ROR2: variants seen among roughly 807,000 people sequenced by gnomAD.
ROR2 encodes ROR family WNT receptor 2, also known as tyrosine-protein kinase transmembrane receptor ROR2.
In ROR2, 33 loss-of-function variants were observed where a neutral mutation model predicts 74.9. The ratio of observed to expected loss-of-function variants is 0.44; its 90% CI spans 0.33 to 0.59. The LOEUF is 0.59. Ranked by LOEUF, ROR2 falls within the 20% of genes least tolerant of loss-of-function variation. The pLI is 0.02. For synonymous variants in ROR2, 586 were observed against 558.7 expected (o/e 1.05, Z -0.69); for missense variants, 1,216 against 1,313.8 (o/e 0.93, Z 1.15).
intron 1 of ROR2, among the ~76,000 whole-genome samples, chr9:91,884,645 C>T (rs368163062): frequency 6.6e-6 from 1 of 152,072 alleles, no homozygotes; most frequent in Non-Finnish European, 1.5e-5. Flanking sequence ...ATCTGACAAA[C>T]TCATTACTCT....
intron 2 of ROR2, among the ~76,000 whole-genome samples, chr9:91,758,581 G>A (rs935304054): frequency 3.3e-5 from 5 of 152,180 alleles, no homozygotes; most frequent in African/African-American, 7.2e-5. Context: ...AAGCAGTCCC[G>A]CGCACACACA....
At chr9:91,790,083 G>A (rs1159595313) in intron 1 of ROR2, among the ~76,000 whole-genome samples, 4 of 152,136 alleles carry the variant, frequency 2.6e-5, no homozygotes, top group African/African-American at 7.2e-5. Flanking sequence ...ATAAAACAGT[G>A]GTCCCATAAG....
chr9:91,858,439 C>A (rs1461468936), intron 1 of ROR2, among the ~76,000 whole-genome samples: 2 of 152,168 alleles, frequency 1.3e-5, no homozygotes, highest in African/African-American at 4.8e-5. Flanking sequence ...AGGGCACACA[C>A]CCCACAGAGC....
intron 1 of ROR2, among the ~76,000 whole-genome samples, chr9:91,871,040 G>A (rs915439944): frequency 6.6e-6 from 1 of 152,222 alleles, no homozygotes; most frequent in African/African-American, 2.4e-5. Flanking sequence ...GGAAGAGGCA[G>A]AAATGTCCAG....
chr9:91,901,923 G>T (rs1830688035), intron 1 of ROR2, among the ~76,000 whole-genome samples: 1 of 152,088 alleles, frequency 6.6e-6, no homozygotes, highest in Non-Finnish European at 1.5e-5. Context: ...GTGTAGGTGG[G>T]GGGGCCTACC....
chr9:91,918,173 CAGG>C (rs1448399845), intron 1 of ROR2, among the ~76,000 whole-genome samples: 1 of 150,768 alleles, frequency 6.6e-6, no homozygotes, highest in Non-Finnish European at 1.5e-5. Flanking sequence ...GAGGCTGAGG[CAGG>C]AGAATGGTGT....
intron 2 of ROR2, among the ~76,000 whole-genome samples, chr9:91,774,433 C>T (rs1826347993): frequency 6.6e-6 from 1 of 152,188 alleles, no homozygotes; most frequent in African/African-American, 2.4e-5. Context: ...TAAGTTGAAG[C>T]TCTATCCCTC....
chr9:91,905,487 A>G lies in ROR2; in HGVS notation c.97+44380T>C, dbSNP rs940275578. On this transcript the variant is annotated intron_variant, in intron 1 of 8. Transcript: ENST00000375708. This position sits in a 1 kb window ranked among gnomAD's most constrained non-coding sequence, Gnocchi z 5.3. ...ACCACACACAACAAAGACACAACAC[A>G]TACCACATACACGACATACACAGAC... Among the ~76,000 whole-genome samples the G allele has an allele frequency of 6.6e-6, 1 of 152,032 alleles. No homozygotes were observed. Among genetic ancestry groups the G allele is most frequent in the African/African-American group, 2.4e-5 (1 of 41,388 alleles).
At chr9:91,776,765 G>T (rs550204382) in intron 1 of ROR2, among the ~76,000 whole-genome samples, 1 of 152,232 alleles carries the variant, frequency 6.6e-6, no homozygotes, top group South Asian at 2.1e-4. Context: ...CCATCACTCA[G>T]CACTGTTTAA....
Position 91,724,680 on chromosome 9 carries a change from T to C in ROR2, c.1814A>G (p.Tyr605Cys), listed in dbSNP as rs1162211975. Reference protein sequence around the residue: ...LVAQIAAGMEYLSSHHVVHKD... With the variant: ...LVAQIAAGMECLSSHHVVHKD... ...GTGAACCACGTGGTGGCTGGATAGG[T>C]ACTCCATCCCCGCCGCGATCTGTGC... is the stretch of plus-strand genomic sequence containing the variant. Residue 605 changes from tyrosine (Y) to cysteine (C), a missense_variant, in exon 9 of 9, where the codon TAC becomes TGC. Transcript: ENST00000375708. The C allele has an allele frequency of 6.2e-7, 1 of 1,614,160 alleles. No individual in the cohort carries two copies. Among genetic ancestry groups the C allele is most frequent in the Admixed American group, 1.7e-5 (1 of 60,026 alleles).
At chr9:91,803,527 G>T (rs185767232) in intron 1 of ROR2, among the ~76,000 whole-genome samples, 317 of 152,346 alleles carry the variant, frequency 2.1e-3, no homozygotes, top group Middle Eastern at 0.01. Context: ...TAAATTTTCT[G>T]TTATGTATTT....
intron 1 of ROR2, among the ~76,000 whole-genome samples, chr9:91,820,855 G>A (rs1828119932): frequency 1.3e-5 from 2 of 152,082 alleles, no homozygotes; most frequent in Non-Finnish European, 2.9e-5. Flanking sequence ...TAATCCCAGC[G>A]CTTTGGGAGG....
At chr9:91,947,971 C>T (rs945348690) in intron 1 of ROR2, among the ~76,000 whole-genome samples, 8 of 151,944 alleles carry the variant, frequency 5.3e-5, no homozygotes, top group African/African-American at 1.9e-4. Flanking sequence ...ATCCTATGCC[C>T]TCTCCTATAA....
At chr9:91,897,180 G>C (rs1383593077) in intron 1 of ROR2, among the ~76,000 whole-genome samples, 1 of 152,220 alleles carries the variant, frequency 6.6e-6, no homozygotes, top group Non-Finnish European at 1.5e-5. Context: ...CCAAATTAAG[G>C]GAAAGGCTGG....
In ROR2 at chr9:91,905,693, T is replaced by C. The variant is rs1414678150; in HGVS notation, c.97+44174A>G. Among the ~76,000 whole-genome samples, 4 of 135,346 alleles carry C rather than the reference T, an allele frequency of 3.0e-5. No homozygotes were observed. Among genetic ancestry groups the C allele is most frequent in the African/African-American group, 8.1e-5 (3 of 37,076 alleles). The allele number at this position is 135,346 out of a possible 152,430, so 88.8% of individuals were successfully genotyped here. The stretch of plus-strand genomic sequence containing the variant: ...ACACTCCAAAATCTGTTTTTCTTTT[T>C]AGAAGACCACAAACCCCACTACATG... On this transcript the variant is annotated intron_variant, in intron 1 of 8. Transcript: ENST00000375708. The surrounding 1 kb of genome is among the most constrained non-coding windows in gnomAD (Gnocchi z 5.3).
chr9:91,861,783 A>G (rs796372229), intron 1 of ROR2, among the ~76,000 whole-genome samples: 10 of 152,368 alleles, frequency 6.6e-5, no homozygotes, highest in African/African-American at 2.4e-4. Context: ...GCTTCAACAG[A>G]TAACATTAAA....
chr9:91,726,075 A>T lies in ROR2; in HGVS notation c.1386+466T>A, dbSNP rs994404269. ...CACCCCCATCTAAGGCTGCTCTGGG[A>T]TGAGGGGTGGCCTTTTAGTGGTAGC... On this transcript the variant is annotated intron_variant, in intron 8 of 8. Coordinates refer to ENST00000375708, the MANE Select transcript of ROR2 (RefSeq NM_004560.4). 5.0e-4 allele frequency among the ~76,000 whole-genome samples: 76 copies of T among 152,326 alleles called. 1 individual carries two copies. The highest frequency in any genetic ancestry group is 4.1e-4 in the Non-Finnish European group (28 of 68,032).
At chr9:91,785,540 TCTG>T in intron 1 of ROR2, among the ~76,000 whole-genome samples, 1 of 152,348 alleles carries the variant, frequency 6.6e-6, no homozygotes, top group Non-Finnish European at 1.5e-5. Context: ...TCGAAAAATA[TCTG>T]ATGAGTAAAC....
At chr9:91,944,995 T>G (rs7047326) in intron 1 of ROR2, among the ~76,000 whole-genome samples, 79,236 of 151,720 alleles carry the variant, frequency 0.52, 23,255 homozygotes, top group African/African-American at 0.8. Flanking sequence ...GGTAGAGGCT[T>G]AGCCCAGGAG....
Sources: allele counts gnomAD v4.1 joint callset (sites outside exome capture counted in the v4.1 genomes callset), GRCh38; gene constraint gnomAD v4.1.1; non-coding constraint Gnocchi (gnomAD v3.1); transcripts MANE v1.5; gene names NCBI Gene and HGNC (gene_info 2026-07-23, HGNC 2026-07-21).